Variants in MGAT5 observed in about 807,000 individuals in gnomAD.
The protein encoded by MGAT5 is alpha-1,6-mannosylglycoprotein 6-beta-N-acetylglucosaminyltransferase.
In MGAT5, 30 loss-of-function variants were observed where a neutral mutation model predicts 94.3. That is an observed-to-expected ratio of 0.32 (90% CI 0.24 to 0.43). The LOEUF (loss-of-function observed/expected upper bound fraction) is 0.43. Ranked by LOEUF, MGAT5 falls within the 20% of genes least tolerant of loss-of-function variation. MGAT5 has a pLI of 1.00. For missense variants in MGAT5, 691 were observed against 905.5 expected (o/e 0.76, Z 3.04); for synonymous variants, 310 against 322.9 (o/e 0.96, Z 0.43).
At chr2:134,411,840 G>A (rs1165075919) in intron 11 of MGAT5, among the ~76,000 whole-genome samples, 3 of 152,200 alleles carry the variant, frequency 2.0e-5, no homozygotes, top group African/African-American at 7.2e-5. Flanking sequence ...CTTGTGGTTG[G>A]GTGATGCTCT....
intron 15 of MGAT5, among the ~76,000 whole-genome samples, chr2:134,444,559 G>T (rs1044058308): frequency 6.6e-6 from 1 of 152,248 alleles, no homozygotes; most frequent in African/African-American, 2.4e-5. Context: ...TGCCTCCTCA[G>T]TGTGGAGGTG....
At chr2:134,315,055 C>A (rs970033356) in intron 2 of MGAT5, among the ~76,000 whole-genome samples, 12 of 152,178 alleles carry the variant, frequency 7.9e-5, no homozygotes, top group African/African-American at 2.9e-4. Flanking sequence ...TGACCCTTAA[C>A]TTTATTCTTT....
chr2:134,315,065 T>C (rs928262361), intron 2 of MGAT5, among the ~76,000 whole-genome samples: 1 of 152,234 alleles, frequency 6.6e-6, no homozygotes, highest in Non-Finnish European at 1.5e-5. Context: ...CTTTATTCTT[T>C]GAAATTCTTA....
intron 10 of MGAT5, among the ~76,000 whole-genome samples, chr2:134,376,774 T>C (rs953106110): frequency 6.6e-5 from 10 of 152,192 alleles, no homozygotes; most frequent in Admixed American, 6.5e-4. Context: ...GCCTTGTTTA[T>C]ATTTTGTGAC....
At chr2:134,295,480 A>C (rs1685618824) in intron 2 of MGAT5, among the ~76,000 whole-genome samples, 1 of 152,202 alleles carries the variant, frequency 6.6e-6, no homozygotes, top group Non-Finnish European at 1.5e-5. Flanking sequence ...AATGATGTTG[A>C]AAATATTTTT....
At chr2:134,304,102 C>T (rs530098997) in intron 2 of MGAT5, among the ~76,000 whole-genome samples, 2 of 152,276 alleles carry the variant, frequency 1.3e-5, no homozygotes, top group African/African-American at 4.8e-5. Context: ...CCTAGGTTAA[C>T]TGTTATGTGG....
At chr2:134,150,773 C>T (rs1041984491) in intron 1 of MGAT5, among the ~76,000 whole-genome samples, 1 of 152,214 alleles carries the variant, frequency 6.6e-6, no homozygotes, top group African/African-American at 2.4e-5. Flanking sequence ...TACAGTTATG[C>T]TTTTCACAAG....
At chr2:134,183,661 T>G (rs1348248688) in intron 1 of MGAT5, among the ~76,000 whole-genome samples, 1 of 152,212 alleles carries the variant, frequency 6.6e-6, no homozygotes, top group East Asian at 1.9e-4. Flanking sequence ...GCACTCAGTT[T>G]GAAGGCCCTT....
chr2:134,349,889 C>T lies in MGAT5; in HGVS notation c.1197C>T (p.Thr399=). 6.2e-7 allele frequency: 1 copy of T among 1,613,192 alleles called. No homozygotes were observed. The highest frequency in any genetic ancestry group is 8.5e-7 in the Non-Finnish European group (1 of 1,179,556). The part of the protein sequence containing the change: ...ANYAQSKGHK[T]PWGKWNLNPQ... ...ATGCCCAATCGAAAGGCCACAAGAC[C>T]CCTTGGGGAAAATGGAATCTGAACC... The change falls in exon 9 of 16, where the codon ACC becomes ACT. Residue 399 remains threonine, a synonymous_variant. Coordinates refer to ENST00000281923, the MANE Select transcript of MGAT5 (RefSeq NM_002410.5).
In MGAT5 at chr2:134,449,180, G is replaced by A. The variant is rs1685961633; in HGVS notation, c.*333G>A. 2 of 260,518 alleles carry A rather than the reference G, an allele frequency of 7.7e-6. No individual in the cohort carries two copies. Among genetic ancestry groups the A allele is most frequent in the Admixed American group, 5.0e-5 (1 of 19,992 alleles). 16.1% of individuals were successfully genotyped at this position (260,518 alleles called of 1,614,324 possible). A position where few individuals can be genotyped will look rare whatever the true frequency, so the allele number is the denominator to read the frequency against. On this transcript the variant is annotated 3_prime_UTR_variant, in exon 16 of 16. Coordinates refer to ENST00000281923, the MANE Select transcript of MGAT5 (RefSeq NM_002410.5). ...AAGAGTCCTTTAAAACAAAACAGGA[G>A]GAATTGAGCTGATGGGAAAGAACTC...
intron 2 of MGAT5, 42 bp from the exon 3 acceptor site, chr2:134,317,487 A>T (rs754892949): frequency 7.1e-7 from 1 of 1,406,892 alleles, no homozygotes; most frequent in Admixed American, 2.3e-5. Flanking sequence ...CTTGTGTTTT[A>T]TAGATCTCAT....
chr2:134,302,440 G>A (rs1686072550), intron 2 of MGAT5, among the ~76,000 whole-genome samples: 1 of 152,084 alleles, frequency 6.6e-6, no homozygotes, highest in Admixed American at 6.6e-5. Context: ...ATAAAGAAAT[G>A]AAGAGAAGGA....
chr2:134,278,209 A>G (rs778870901), intron 2 of MGAT5, among the ~76,000 whole-genome samples: 1 of 152,254 alleles, frequency 6.6e-6, no homozygotes, highest in Non-Finnish European at 1.5e-5. Context: ...ATCATTAAGA[A>G]GAAAATACAG....
intron 1 of MGAT5, among the ~76,000 whole-genome samples, chr2:134,199,903 G>GAC (rs1679692626): frequency 6.6e-6 from 1 of 152,054 alleles, no homozygotes; most frequent in Non-Finnish European, 1.5e-5. Flanking sequence ...TGTGCAAATG[G>GAC]CAAGAATGAA....
intron 8 of MGAT5, among the ~76,000 whole-genome samples, chr2:134,346,045 G>A (rs1318443171): frequency 2.6e-5 from 4 of 152,122 alleles, no homozygotes; most frequent in Admixed American, 2.0e-4. Flanking sequence ...CTTGCTGCGG[G>A]CCAAGATAGT....
intron 1 of MGAT5, among the ~76,000 whole-genome samples, chr2:134,185,102 C>T (rs1160236497): frequency 6.6e-6 from 1 of 151,928 alleles, no homozygotes; most frequent in Non-Finnish European, 1.5e-5. Context: ...GATGCAAAGG[C>T]ATAAGAATGA....
At chr2:134,169,941 A>G (rs1688127522) in intron 1 of MGAT5, among the ~76,000 whole-genome samples, 1 of 152,170 alleles carries the variant, frequency 6.6e-6, no homozygotes, top group Admixed American at 6.5e-5. Context: ...ATAATAAACT[A>G]CTTCTTTATA....
chr2:134,297,766 T>C (rs1003112466), intron 2 of MGAT5, among the ~76,000 whole-genome samples: 3 of 152,096 alleles, frequency 2.0e-5, no homozygotes, highest in African/African-American at 7.2e-5. Flanking sequence ...TTTTTTTTTC[T>C]CCTAAGATTA....
At chr2:134,225,439 T>G (rs2105370781) in intron 1 of MGAT5, among the ~76,000 whole-genome samples, 1 of 152,332 alleles carries the variant, frequency 6.6e-6, no homozygotes, top group East Asian at 1.9e-4. Context: ...GGTGGCCACA[T>G]CTTAGAGGGA....
Sources: allele counts gnomAD v4.1 joint callset (sites outside exome capture counted in the v4.1 genomes callset), GRCh38; gene constraint gnomAD v4.1.1; transcripts MANE v1.5; gene names NCBI Gene and HGNC (gene_info 2026-07-23, HGNC 2026-07-21).